IGF1R: variants seen among roughly 807,000 people sequenced by gnomAD.
The protein encoded by IGF1R is insulin like growth factor 1 receptor.
Under a neutral mutation model 144.6 loss-of-function variants are expected in IGF1R, and 44 were observed. That is an observed-to-expected ratio of 0.30 (90% CI 0.24 to 0.39). The LOEUF (loss-of-function observed/expected upper bound fraction) is 0.39, where lower values mean the gene tolerates loss of function less well. IGF1R is among the 10% of genes least tolerant of loss of function. IGF1R has a pLI of 1.00. For missense variants in IGF1R, 1,355 were observed against 1,833.7 expected (o/e 0.74, Z 4.77); for synonymous variants, 795 against 722.8 (o/e 1.10, Z -1.60).
At chr15:98,953,322 A>G (rs753326883) in intron 20 of IGF1R, among the ~76,000 whole-genome samples, 6 of 152,196 alleles carry the variant, frequency 3.9e-5, no homozygotes, top group Non-Finnish European at 8.8e-5. Context: ...CTGAGTCTCA[A>G]CGCCATGACT....
intron 1 of IGF1R, among the ~76,000 whole-genome samples, chr15:98,682,478 A>G (rs530274660): frequency 6.6e-6 from 1 of 152,288 alleles, no homozygotes; most frequent in Non-Finnish European, 1.5e-5. Flanking sequence ...GAAATAGTGG[A>G]GGTTTAATTG....
chr15:98,913,866 C>A (rs1596442888), intron 8 of IGF1R, among the ~76,000 whole-genome samples: 1 of 152,258 alleles, frequency 6.6e-6, no homozygotes, highest in South Asian at 2.1e-4. Context: ...TTAATAGTTT[C>A]CAGTATATAA....
chr15:98,710,109 T>C (rs181287324), intron 2 of IGF1R, among the ~76,000 whole-genome samples: 1 of 152,232 alleles, frequency 6.6e-6, no homozygotes, highest in East Asian at 1.9e-4. Context: ...AAAAGCACCG[T>C]GAAAATGTTA....
At chr15:98,830,603 A>ATTTTTTTTTTTTTT (rs1555450173) in intron 2 of IGF1R, among the ~76,000 whole-genome samples, 1 of 133,718 alleles carries the variant, frequency 7.5e-6, no homozygotes, top group African/African-American at 3.3e-5. Flanking sequence ...TCTGATCATC[A>ATTTTTTTTTTTTTT]TCTTTTTTTT....
chr15:98,880,983 A>G (rs1054913764), intron 2 of IGF1R: 1 of 152,202 alleles, frequency 6.6e-6, no homozygotes, highest in African/African-American at 2.4e-5. Context: ...TTAGATAATG[A>G]GAGTGTATTT....
chr15:98,718,750 G>T (rs1567093145), intron 2 of IGF1R, among the ~76,000 whole-genome samples: 1 of 152,172 alleles, frequency 6.6e-6, no homozygotes, highest in Non-Finnish European at 1.5e-5. Context: ...AATAAAAGAA[G>T]ATCAGGAGAC....
Position 98,891,564 on chromosome 15 carries a change from G to A in IGF1R, c.880G>A (p.Glu294Lys), listed in dbSNP as rs201529410. Residue 294 changes from glutamate (E) to lysine (K), a missense_variant, in exon 3 of 21, where the codon GAG becomes AAG. Glu to Lys is a moderately conservative substitution (Grantham distance 56). Transcript: ENST00000650285. The surrounding 1 kb of genome is among the most constrained non-coding windows in gnomAD (Gnocchi z 4.7). ...CCTCAGCGCCGAGAGCAGCGACTCCGAGGGGTTTGTGATCCACGACGGCGA... is the reference window on the plus strand; with the variant it reads ...CCTCAGCGCCGAGAGCAGCGACTCCAAGGGGTTTGTGATCCACGACGGCGA... ...NILSAESSDS[E>K]GFVIHDGECM... is the part of the protein sequence containing the mutation. 8.1e-6 allele frequency: 13 copies of A among 1,608,896 alleles called. No homozygotes were observed. Among genetic ancestry groups the A allele is most frequent in the Admixed American group, 6.7e-5 (4 of 60,032 alleles).
chr15:98,933,808 C>G (rs1040576229), intron 15 of IGF1R, among the ~76,000 whole-genome samples: 3 of 152,088 alleles, frequency 2.0e-5, no homozygotes, highest in Non-Finnish European at 4.4e-5. Flanking sequence ...GCCTAATTGC[C>G]TGTCCACGCT....
At chr15:98,784,789 G>A (rs545219981) in intron 2 of IGF1R, among the ~76,000 whole-genome samples, 15 of 152,274 alleles carry the variant, frequency 9.9e-5, no homozygotes, top group African/African-American at 3.6e-4. Context: ...TACAGCATTT[G>A]TATTGGGTAT....
chr15:98,868,961 C>G (rs1228191421), intron 2 of IGF1R, among the ~76,000 whole-genome samples: 4 of 152,144 alleles, frequency 2.6e-5, no homozygotes, highest in African/African-American at 4.8e-5. Flanking sequence ...TGTGAGAGAG[C>G]TGGGCTTGTG....
At chr15:98,788,135 C>T (rs1416634404) in intron 2 of IGF1R, among the ~76,000 whole-genome samples, 1 of 151,336 alleles carries the variant, frequency 6.6e-6, no homozygotes, top group African/African-American at 2.4e-5. Flanking sequence ...GTGGGGTGAC[C>T]TCCTACACAT....
intron 18 of IGF1R, 55 bp from the exon 19 acceptor site, chr15:98,942,868 G>C (rs2016416417): frequency 6.2e-7 from 1 of 1,609,970 alleles, no homozygotes; most frequent in Non-Finnish European, 8.5e-7. Flanking sequence ...CCTCTGCTGT[G>C]ACAGCAGTGG....
intron 2 of IGF1R, among the ~76,000 whole-genome samples, chr15:98,810,539 ATTTTC>A (rs1216894122): frequency 4.8e-5 from 7 of 146,614 alleles, no homozygotes; most frequent in African/African-American, 7.6e-5. Context: ...ATTCTAAATG[ATTTTC>A]TTTTCTTTTC....
Position 98,952,303 on chromosome 15 carries a change from A to AAC in IGF1R, c.3722+3622_3722+3623dup, listed in dbSNP as rs143223923. Among the ~76,000 whole-genome samples, 883 of 146,580 alleles carry AAC rather than the reference A, an allele frequency of 6.0e-3. 6 individuals are homozygous for AAC. The highest frequency in any genetic ancestry group is 0.017 in the African/African-American group (681 of 39,366). On this transcript the variant is annotated intron_variant, in intron 20 of 20. Coordinates refer to ENST00000650285, the MANE Select transcript of IGF1R (RefSeq NM_000875.5). ...CCTGGCTACCCCCCAGTACCCCACCAACACACACACACACACACACACACA... is the reference window on the plus strand; with the variant it reads ...CCTGGCTACCCCCCAGTACCCCACCAACACACACACACACACACACACACACA...
chr15:98,810,771 A>T (rs1318146777), intron 2 of IGF1R, among the ~76,000 whole-genome samples: 1 of 150,850 alleles, frequency 6.6e-6, no homozygotes, highest in African/African-American at 2.4e-5. Flanking sequence ...GATGGTCTTG[A>T]TCTCCTGACC....
At chr15:98,788,427 A>G (rs559811188) in intron 2 of IGF1R, among the ~76,000 whole-genome samples, 1 of 152,318 alleles carries the variant, frequency 6.6e-6, no homozygotes, top group African/African-American at 2.4e-5. Flanking sequence ...TTGTCTGCTA[A>G]GTCACAGGCT....
intron 2 of IGF1R, among the ~76,000 whole-genome samples, chr15:98,753,591 T>C (rs545548978): frequency 6.6e-6 from 1 of 151,974 alleles, no homozygotes; most frequent in East Asian, 1.9e-4. Flanking sequence ...GGGTTTTTTT[T>C]CCTCCTGAGA....
At chr15:98,782,970 T>A (rs547314013) in intron 2 of IGF1R, among the ~76,000 whole-genome samples, 1 of 152,344 alleles carries the variant, frequency 6.6e-6, no homozygotes, top group Non-Finnish European at 1.5e-5. Context: ...GACTTCCTGA[T>A]GAAGTGGCAG....
At chr15:98,918,640 G>C (rs1250035419) in intron 10 of IGF1R, among the ~76,000 whole-genome samples, 2 of 152,100 alleles carry the variant, frequency 1.3e-5, no homozygotes, top group African/African-American at 4.8e-5. Flanking sequence ...CAGCACTTTG[G>C]GAGGCTGAGG....
Sources: allele counts gnomAD v4.1 joint callset (sites outside exome capture counted in the v4.1 genomes callset), GRCh38; gene constraint gnomAD v4.1.1; non-coding constraint Gnocchi (gnomAD v3.1); transcripts MANE v1.5; gene names NCBI Gene and HGNC (gene_info 2026-07-23, HGNC 2026-07-21).